GRM8: variants seen among roughly 807,000 people sequenced by gnomAD.
GRM8 encodes glutamate metabotropic receptor 8, also known as metabotropic glutamate receptor 8.
Under a neutral mutation model 87.2 loss-of-function variants are expected in GRM8, and 47 were observed. The ratio of observed to expected loss-of-function variants is 0.54; its 90% CI spans 0.43 to 0.69. The LOEUF is 0.69. Ranked by LOEUF, GRM8 falls within the 30% of genes least tolerant of loss-of-function variation. GRM8 has a pLI of 0.00. For missense variants in GRM8, 1,019 were observed against 1,139.2 expected (o/e 0.89, Z 1.52); for synonymous variants, 396 against 404.5 (o/e 0.98, Z 0.25).
intron 6 of GRM8, chr7:126,869,651 C>CT (rs1798912363): frequency 6.6e-6 from 1 of 152,122 alleles, no homozygotes. Context: ...AGCAGTCATA[C>CT]TTTGAAAGAA....
chr7:126,989,213 A>G (rs558832348), intron 3 of GRM8, among the ~76,000 whole-genome samples: 1 of 152,288 alleles, frequency 6.6e-6, no homozygotes, highest in Non-Finnish European at 1.5e-5. Flanking sequence ...TTAATTAACC[A>G]ATACAAGTTA....
chr7:126,828,088 T>TTGA (rs1458409779), intron 6 of GRM8, among the ~76,000 whole-genome samples: 1 of 152,190 alleles, frequency 6.6e-6, no homozygotes, highest in Non-Finnish European at 1.5e-5. Context: ...GATAAGCTTT[T>TTGA]TGATGTGCTG....
chr7:126,505,035 T>C (rs1030965760), intron 9 of GRM8, among the ~76,000 whole-genome samples: 1 of 152,060 alleles, frequency 6.6e-6, no homozygotes. Flanking sequence ...GTTGGAGTCA[T>C]TCTTCAGTTT....
intron 7 of GRM8, among the ~76,000 whole-genome samples, chr7:126,662,066 A>C: frequency 6.6e-6 from 1 of 152,252 alleles, no homozygotes; most frequent in East Asian, 1.9e-4. Flanking sequence ...AAATACCTTA[A>C]GATTTTCCAA....
At chr7:126,735,527 A>C (rs1563136819) in intron 7 of GRM8, among the ~76,000 whole-genome samples, 1 of 152,138 alleles carries the variant, frequency 6.6e-6, no homozygotes, top group East Asian at 1.9e-4. Context: ...AGTAGCTATC[A>C]AGAATCTTAA....
At chr7:127,081,050 G>A (rs751091235) in intron 3 of GRM8, among the ~76,000 whole-genome samples, 4 of 152,156 alleles carry the variant, frequency 2.6e-5, no homozygotes, top group African/African-American at 7.2e-5. Context: ...GGTCAGCAGC[G>A]ATATTTAAGG....
At chr7:126,630,784 T>C (rs767832294) in intron 7 of GRM8, among the ~76,000 whole-genome samples, 1 of 152,124 alleles carries the variant, frequency 6.6e-6, no homozygotes, top group Non-Finnish European at 1.5e-5. Context: ...AAAAATCATA[T>C]GATTATCTCA....
At chr7:127,071,256 G>A (rs1189691880) in intron 3 of GRM8, among the ~76,000 whole-genome samples, 1 of 152,054 alleles carries the variant, frequency 6.6e-6, no homozygotes, top group Non-Finnish European at 1.5e-5. Context: ...TTCAAAAAAC[G>A]GAATCACAAA....
At chr7:126,867,004 ATT>A (rs1212668488) in intron 6 of GRM8, among the ~76,000 whole-genome samples, 1 of 152,288 alleles carries the variant, frequency 6.6e-6, no homozygotes, top group East Asian at 1.9e-4. Flanking sequence ...TTTGGGGCGT[ATT>A]ATGCATAATT....
rs534987380 is a variant in GRM8, at chr7:126,594,068, T to C, written c.1494+15294A>G. Among the ~76,000 whole-genome samples the C allele has an allele frequency of 1.7e-3, 262 of 152,154 alleles. 4 individuals are homozygous for C. Among genetic ancestry groups the C allele is most frequent in the East Asian group, 1.2e-3 (6 of 5,180 alleles). ...AGGTATCACTTCACACATGATAGGA[T>C]GGCTGTTATCAAAAAGAGAAAAAGT... On this transcript the variant is annotated intron_variant, in intron 8 of 10. Coordinates refer to ENST00000339582, the MANE Select transcript of GRM8 (RefSeq NM_000845.3).
intron 2 of GRM8, among the ~76,000 whole-genome samples, chr7:127,220,010 G>T (rs17866042): frequency 6.6e-6 from 1 of 152,110 alleles, no homozygotes; most frequent in East Asian, 1.9e-4. Flanking sequence ...TCTTCCTACC[G>T]CCCCAACCTA....
intron 8 of GRM8, among the ~76,000 whole-genome samples, chr7:126,578,819 C>T (rs1795335991): frequency 6.6e-6 from 1 of 151,910 alleles, no homozygotes. Flanking sequence ...TATTAGCTAT[C>T]GGACAATTAT....
chr7:126,581,042 C>T (rs1190539322), intron 8 of GRM8, among the ~76,000 whole-genome samples: 1 of 151,918 alleles, frequency 6.6e-6, no homozygotes, highest in African/African-American at 2.4e-5. Flanking sequence ...ATAGTAGCTA[C>T]TTAAAAGCCT....
At chr7:126,776,995 G>A (rs1819549084) in intron 6 of GRM8, among the ~76,000 whole-genome samples, 1 of 152,140 alleles carries the variant, frequency 6.6e-6, no homozygotes, top group Admixed American at 6.6e-5. Flanking sequence ...GAAGTATCCT[G>A]TAACTGGGCT....
chr7:126,748,297 T>C (rs1265615926), intron 7 of GRM8, among the ~76,000 whole-genome samples: 1 of 151,952 alleles, frequency 6.6e-6, no homozygotes, highest in African/African-American at 2.4e-5. Context: ...AAAATATGAG[T>C]TAATAAAGAT....
intron 9 of GRM8, among the ~76,000 whole-genome samples, chr7:126,522,149 T>A (rs773675611): frequency 2.6e-5 from 4 of 152,200 alleles, no homozygotes; most frequent in Non-Finnish European, 4.4e-5. Context: ...AGGTTGCACA[T>A]TACAAGCACA....
At chr7:126,700,439 T>A (rs1255580527) in intron 7 of GRM8, among the ~76,000 whole-genome samples, 1 of 152,198 alleles carries the variant, frequency 6.6e-6, no homozygotes, top group African/African-American at 2.4e-5. Context: ...TCTTTTTTAA[T>A]CTCACTTTAA....
intron 6 of GRM8, among the ~76,000 whole-genome samples, chr7:126,826,541 T>C (rs962227190): frequency 1.4e-4 from 21 of 152,356 alleles, no homozygotes; most frequent in African/African-American, 5.1e-4. Context: ...TCTGTTCATG[T>C]CCTTCGCCCA....
At chr7:126,970,102 G>A (rs575461194) in intron 3 of GRM8, among the ~76,000 whole-genome samples, 5 of 152,136 alleles carry the variant, frequency 3.3e-5, no homozygotes, top group African/African-American at 1.2e-4. Context: ...TAATTATAGG[G>A]CATAAGCAGA....
Sources: allele counts gnomAD v4.1 joint callset (sites outside exome capture counted in the v4.1 genomes callset), GRCh38; gene constraint gnomAD v4.1.1; transcripts MANE v1.5; gene names NCBI Gene and HGNC (gene_info 2026-07-23, HGNC 2026-07-21).